RPL12: variants seen among roughly 807,000 people sequenced by gnomAD.
The protein encoded by RPL12 is ribosomal protein L12, also known as large ribosomal subunit protein uL11.
In RPL12, 10 loss-of-function variants were observed where a neutral mutation model predicts 24.5. The observed-to-expected ratio is 0.41, with a 90% confidence interval of 0.25 to 0.69. RPL12 has a LOEUF of 0.69. Ranked by LOEUF, RPL12 falls within the 30% of genes least tolerant of loss-of-function variation. The pLI is 0.33. For missense variants in RPL12, 137 were observed against 205.3 expected (o/e 0.67, Z 2.03); for synonymous variants, 74 against 76.1 (o/e 0.97, Z 0.14).
chr9:127,450,547 G>C (rs910554170), intron 2 of RPL12, 184 bp downstream of exon 2: 2 of 545,924 alleles, frequency 3.7e-6, no homozygotes, highest in African/African-American at 2.0e-5. Flanking sequence ...ACAATTTAAA[G>C]GCACCAGGTT....
At chr9:127,451,145 G>C (rs1834299602) in intron 1 of RPL12, 136 bp downstream of exon 1, 2 of 1,207,188 alleles carry the variant, frequency 1.7e-6, no homozygotes, top group East Asian at 2.5e-5. Context: ...GCTGAGGCTT[G>C]GCCGGGGCGG....
rs1347691175 is a variant in RPL12 at position 127,448,430 on chromosome 9, A to G, written c.293-7T>C. On this transcript the variant is annotated splice_region_variant and splice_polypyrimidine_tract_variant and intron_variant, in intron 4 of 6. Coordinates refer to ENST00000361436, the MANE Select transcript of RPL12 (RefSeq NM_000976.4). ...ATATTCCCACTGTGTTTAACTGCAG[A>G]AGAGGAAACAGCAAAAGCTCTTTTA... 4.4e-6 allele frequency: 7 copies of G among 1,591,890 alleles called. No homozygotes were observed. The highest frequency in any genetic ancestry group is 4.3e-6 in the Non-Finnish European group (5 of 1,159,674).
chr9:127,448,312 C>A, intron 5 of RPL12, 25 bp downstream of exon 5: 1 of 1,543,134 alleles, frequency 6.5e-7, no homozygotes, highest in African/African-American at 1.4e-5. Context: ...ACAGTTATGG[C>A]GGTTACATGT....
intron 1 of RPL12, chr9:127,451,025 C>A: frequency 1.6e-6 from 1 of 641,676 alleles, no homozygotes; most frequent in Admixed American, 3.1e-5. Flanking sequence ...GCCAATGGGG[C>A]GAAACGCCCG....
In RPL12 at chr9:127,450,776, G is replaced by A. The variant is rs759591552; in HGVS notation, c.66C>T (p.Val22=). 1.9e-6 allele frequency: 3 copies of A among 1,584,584 alleles called. No individual in the cohort carries two copies. Among genetic ancestry groups the A allele is most frequent in the East Asian group, 2.3e-5 (1 of 43,386 alleles). Residue 22 remains valine (V), a synonymous_variant, in exon 2 of 7, where the codon GTC becomes GTT. Coordinates refer to ENST00000361436, the MANE Select transcript of RPL12 (RefSeq NM_000976.4). ...VVYLRCTGGE[V]GATSALAPKI... is the part of the protein sequence containing the mutation. ...TGGGGGCCAGGGCAGAAGTGGCACC[G>A]ACTTCACCTCCGGTGCACCTCAGGT...
chr9:127,448,592 G>A (rs777619535), intron 4 of RPL12, 169 bp from the exon 5 acceptor site: 3 of 761,058 alleles, frequency 3.9e-6, no homozygotes, highest in Admixed American at 3.4e-5. Context: ...CCACTGGATT[G>A]CACCAGCCAA....
In RPL12 at chr9:127,447,675, C is replaced by A. The variant is rs373688448; in HGVS notation, c.*46G>T. The stretch of plus-strand genomic sequence containing the variant: ...CAAGGAAGACGCCACACCAGAAAAT[C>A]CACCAGTTGTCAAATGATCCTTTAT... On this transcript the variant is annotated 3_prime_UTR_variant, in exon 7 of 7. Coordinates refer to ENST00000361436, the MANE Select transcript of RPL12 (RefSeq NM_000976.4). 6.2e-7 allele frequency: 1 copy of A among 1,612,400 alleles called. No individual in the cohort carries two copies. Among genetic ancestry groups the A allele is most frequent in the African/African-American group, 1.3e-5 (1 of 74,770 alleles).
At chr9:127,449,414 G>A (rs1834228886) in intron 3 of RPL12, 52 bp from the exon 4 acceptor site, 1 of 1,511,664 alleles carries the variant, frequency 6.6e-7, no homozygotes, top group East Asian at 2.3e-5. Context: ...ATACTGCCAT[G>A]CACGCTGGCT....
In RPL12 at chr9:127,449,363, C is replaced by T; in HGVS notation, c.211-1G>A. 6.2e-7 allele frequency: 1 copy of T among 1,607,748 alleles called. No individual in the cohort carries two copies. Among genetic ancestry groups the T allele is most frequent in the South Asian group, 1.1e-5 (1 of 91,050 alleles). ...CAGAGGCAGAAGGCACCACCTCAAT[C>T]TGCAGAAGAGATTCCTGAGTGAATA... On this transcript the variant is annotated splice_acceptor_variant, in intron 3 of 6. Coordinates refer to ENST00000361436, the MANE Select transcript of RPL12 (RefSeq NM_000976.4). LOFTEE classifies it high-confidence loss of function.
chr9:127,451,241 TGCTCCATCCC>T, intron 1 of RPL12, 30 bp downstream of exon 1: 1 of 1,608,346 alleles, frequency 6.2e-7, no homozygotes, highest in Non-Finnish European at 8.5e-7. Context: ...GGCCGAGGGA[TGCTCCATCCC>T]GCAGCCCCGG....
chr9:127,451,214 C>A, intron 1 of RPL12, 67 bp downstream of exon 1: 1 of 1,592,090 alleles, frequency 6.3e-7, no homozygotes, highest in Non-Finnish European at 8.6e-7. Context: ...ACGGGGAAAG[C>A]TTTGCACGCG....
At chr9:127,450,895 T>C (rs1834289792) in intron 1 of RPL12, 91 bp from the exon 2 acceptor site, 1 of 1,003,320 alleles carries the variant, frequency 1.0e-6, no homozygotes, top group East Asian at 2.7e-5. Flanking sequence ...CGCCACCCTC[T>C]GCCTCTTCTC....
intron 2 of RPL12, 53 bp downstream of exon 2, chr9:127,450,676 GGC>G: frequency 1.5e-6 from 2 of 1,363,070 alleles, no homozygotes; most frequent in Non-Finnish European, 2.0e-6. Flanking sequence ...TCCACGAGCC[GGC>G]GCTTAAAGTG....
Position 127,448,492 on chromosome 9 carries a change from T to G in RPL12, c.293-69A>C, listed in dbSNP as rs759730819. On this transcript the variant is annotated intron_variant, in intron 4 of 6. Transcript: ENST00000361436. ...CAAAGCAGATCATGTGTCCTTCATT[T>G]CATTTCTAGGCTGTTCCCATGCTTT... The G allele has an allele frequency of 2.5e-5, 25 of 1,009,206 alleles. No individual in the cohort carries two copies. The African/African-American group carries it at 2.8e-4, about 11-fold the overall frequency. 62.5% of individuals were successfully genotyped at this position (1,009,206 alleles called of 1,614,324 possible).
intron 1 of RPL12, 81 bp from the exon 2 acceptor site, chr9:127,450,885 C>T (rs542885922): frequency 2.8e-6 from 3 of 1,077,370 alleles, no homozygotes; most frequent in South Asian, 2.8e-5. Context: ...GGGTTGGACA[C>T]GCCACCCTCT....
At chr9:127,448,668 T>A in intron 4 of RPL12, 3 of 709,352 alleles carry the variant, frequency 4.2e-6, no homozygotes, top group South Asian at 4.1e-5. Flanking sequence ...AAATCTGACA[T>A]GGCAGAAACT....
chr9:127,448,605 G>C (rs375784646), intron 4 of RPL12, 182 bp from the exon 5 acceptor site: 1 of 758,896 alleles, frequency 1.3e-6, no homozygotes, highest in Admixed American at 1.7e-5. Context: ...CCAGCCAACA[G>C]AGACCTGGTC....
In RPL12 at chr9:127,447,720, CTTAA is replaced by C; in HGVS notation, c.495_498del (p.Ser165ArgfsTer?). 1 of 1,613,700 alleles carries C rather than the reference CTTAA, an allele frequency of 6.2e-7. No homozygotes were observed. Among genetic ancestry groups the C allele is most frequent in the Non-Finnish European group, 8.5e-7 (1 of 1,179,894 alleles). On this transcript the variant is annotated frameshift_variant and stop_lost and splice_region_variant, in exon 7 of 7. Transcript: ENST00000361436. LOFTEE classifies it high-confidence loss of function. ...CTTTATTGAAATGTTTTCCTTTGTG[CTTAA>C]CTCTGTGGGAAAGAAAAAAAAAATC... is the stretch of plus-strand genomic sequence containing the variant.
chr9:127,449,234 A>G (rs1834226262), intron 4 of RPL12, 47 bp downstream of exon 4: 1 of 1,502,146 alleles, frequency 6.7e-7, no homozygotes, highest in African/African-American at 1.4e-5. Flanking sequence ...TATATCAAAC[A>G]TCTCACAAAC....
Sources: gnomAD v4.1 joint callset for allele counts on GRCh38, gnomAD v4.1.1 for gene constraint, MANE v1.5 for transcripts, NCBI Gene and HGNC (gene_info 2026-07-23, HGNC 2026-07-21) for gene names.